Variants in ZNF395 observed in about 807,000 individuals in gnomAD.
ZNF395 encodes the protein zinc finger protein 395, also known as HD gene regulatory region-binding protein 2.
A neutral mutation model predicts 57.7 loss-of-function variants in ZNF395; 20 were observed. The ratio of observed to expected loss-of-function variants is 0.35; its 90% confidence interval spans 0.24 to 0.50. ZNF395 has a LOEUF of 0.50. ZNF395 is among the 20% of genes least tolerant of loss of function. The pLI is 0.97. For missense variants in ZNF395, 606 were observed against 671.2 expected (o/e 0.90, Z 1.07); for synonymous variants, 295 against 275.9 (o/e 1.07, Z -0.69).
chr8:28,384,734 C>T (rs1802150848), intron 1 of ZNF395, among the ~76,000 whole-genome samples: 1 of 152,236 alleles, frequency 6.6e-6, no homozygotes, highest in Non-Finnish European at 1.5e-5. Flanking sequence ...AAACTTAGTA[C>T]TCCAAGTCCC....
At position 28,348,918 on chromosome 8, in the gene ZNF395, G is replaced by A; in HGVS notation, c.1431-88C>T. ...AGTGGGGCTGGGAGAACAAGCAGAG[G>A]CCAAAGGGGCAGCTCCCGGCAAAAG... On this transcript the variant is annotated intron_variant, in intron 9 of 9. Transcript: ENST00000344423. 2.9e-6 allele frequency: 4 copies of A among 1,402,716 alleles called. No homozygotes were observed. The South Asian group carries it at 3.6e-5, about 12-fold the overall frequency. 86.9% of individuals were successfully genotyped at this position (1,402,716 alleles called of 1,614,324 possible). A position where few individuals can be genotyped will look rare whatever the true frequency, so the allele number is the denominator to read the frequency against.
Position 28,349,086 on chromosome 8 carries a change from C to G in ZNF395, c.1430+39G>C, listed in dbSNP as rs1049888654. 5 of 1,549,062 alleles carry G rather than the reference C, an allele frequency of 3.2e-6. No individual in the cohort carries two copies. The Admixed American group carries it at 5.8e-5, about 18-fold the overall frequency. On this transcript the variant is annotated intron_variant, in intron 9 of 9. Coordinates refer to ENST00000344423, the MANE Select transcript of ZNF395 (RefSeq NM_018660.3). ...AGTCCACGCCACTGGAGACAGGGCA[C>G]AGAAACCAGAAGGCAGGGGACGACA...
intron 1 of ZNF395, among the ~76,000 whole-genome samples, chr8:28,371,286 T>A (rs967912769): frequency 2.0e-5 from 3 of 152,216 alleles, no homozygotes; most frequent in Non-Finnish European, 2.9e-5. Flanking sequence ...GTTCAAGCTA[T>A]CCTGCCACCT....
chr8:28,378,778 T>C (rs149954391), intron 1 of ZNF395, among the ~76,000 whole-genome samples: 45 of 152,280 alleles, frequency 3.0e-4, no homozygotes, highest in Non-Finnish European at 5.6e-4. Flanking sequence ...TTCCTGTCCT[T>C]CTCTTCTACC....
At chr8:28,361,213 G>A in intron 1 of ZNF395, 31 bp from the exon 2 acceptor site, 1 of 1,578,868 alleles carries the variant, frequency 6.3e-7, no homozygotes, top group Non-Finnish European at 8.6e-7. Context: ...TCAGGAGGGA[G>A]CCCCACACAG....
At chr8:28,370,360 A>G (rs538353234) in intron 1 of ZNF395, among the ~76,000 whole-genome samples, 1 of 152,346 alleles carries the variant, frequency 6.6e-6, no homozygotes, top group South Asian at 2.1e-4. Context: ...GGGCTCGCCC[A>G]GGGCTCAAAC....
chr8:28,357,195 A>G (rs1029964296), intron 3 of ZNF395, among the ~76,000 whole-genome samples: 2 of 152,234 alleles, frequency 1.3e-5, no homozygotes, highest in Admixed American at 1.3e-4. Context: ...ACTGGAATTC[A>G]AAAGCACAAC....
chr8:28,349,303 G>A, intron 8 of ZNF395, 75 bp from the exon 9 acceptor site: 1 of 1,230,860 alleles, frequency 8.1e-7, no homozygotes, highest in Non-Finnish European at 1.1e-6. Flanking sequence ...AAGACAGGCA[G>A]CCACCCGTCC....
At chr8:28,358,151 C>CTTTTT (rs746800075) in intron 3 of ZNF395, among the ~76,000 whole-genome samples, 45 of 101,100 alleles carry the variant, frequency 4.5e-4, no homozygotes, top group East Asian at 8.3e-4. Flanking sequence ...TCTTTTTTTT[C>CTTTTT]TTTTTTTTTT....
At chr8:28,348,916 A>G in intron 9 of ZNF395, 86 bp from the exon 10 acceptor site, 1 of 1,425,868 alleles carries the variant, frequency 7.0e-7, no homozygotes, top group Non-Finnish European at 9.8e-7. Context: ...GAACAAGCAG[A>G]GGCCAAAGGG....
intron 3 of ZNF395, among the ~76,000 whole-genome samples, chr8:28,358,327 C>G (rs1484323389): frequency 6.6e-6 from 1 of 151,860 alleles, no homozygotes. Flanking sequence ...CCAGGCTGGT[C>G]TCAAACTCCT....
chr8:28,374,197 A>T (rs1291078931), intron 1 of ZNF395, among the ~76,000 whole-genome samples: 1 of 152,088 alleles, frequency 6.6e-6, no homozygotes, highest in East Asian at 1.9e-4. Context: ...ATCACCAAGC[A>T]CCCTGTTGAG....
chr8:28,378,127 CACCACCA>C (rs1802066565), intron 1 of ZNF395, among the ~76,000 whole-genome samples: 1 of 152,158 alleles, frequency 6.6e-6, no homozygotes, highest in Non-Finnish European at 1.5e-5. Context: ...GGCCCCCCAC[CACCACCA>C]ACCTTCTTGC....
At chr8:28,383,307 G>T (rs1363502545) in intron 1 of ZNF395, among the ~76,000 whole-genome samples, 2 of 152,070 alleles carry the variant, frequency 1.3e-5, no homozygotes, top group Non-Finnish European at 2.9e-5. Context: ...CTTGCAACAT[G>T]AACAGAGCTC....
At chr8:28,373,822 GCCC>G (rs930203419) in intron 1 of ZNF395, among the ~76,000 whole-genome samples, 1 of 152,100 alleles carries the variant, frequency 6.6e-6, no homozygotes, top group Non-Finnish European at 1.5e-5. Flanking sequence ...TCTAAATCCT[GCCC>G]CCTTGTCTTC....
Position 28,348,675 on chromosome 8 carries a change from G to T in ZNF395, c.*44C>A. On this transcript the variant is annotated 3_prime_UTR_variant, in exon 10 of 10. Transcript: ENST00000344423. Reference sequence around the variant, plus strand: ...GGTGACACACTGGCCTCTTGTCAGTGGCTGCCGGCAGGGCCAGGAACAGAG... The same window carrying T: ...GGTGACACACTGGCCTCTTGTCAGTTGCTGCCGGCAGGGCCAGGAACAGAG... 1 of 1,569,194 alleles carries T rather than the reference G, an allele frequency of 6.4e-7. No individual in the cohort carries two copies. The highest frequency in any genetic ancestry group is 8.8e-7 in the Non-Finnish European group (1 of 1,140,274).
At chr8:28,384,360 T>C (rs1006712669) in intron 1 of ZNF395, among the ~76,000 whole-genome samples, 1 of 152,216 alleles carries the variant, frequency 6.6e-6, no homozygotes, top group African/African-American at 2.4e-5. Context: ...TGGAAAGCCA[T>C]GTTCATTCCC....
At position 28,349,055 on chromosome 8, in the gene ZNF395, G is replaced by C. The variant is rs939690799; in HGVS notation, c.1430+70C>G. ...AACCCTGGTGACTTCATCTGGGTGG[G>C]GTCGGAGTCCACGCCACTGGAGACA... On this transcript the variant is annotated intron_variant, in intron 9 of 9. Coordinates refer to ENST00000344423, the MANE Select transcript of ZNF395 (RefSeq NM_018660.3). The C allele has an allele frequency of 7.8e-5, 112 of 1,444,702 alleles. No individual in the cohort carries two copies. In the African/African-American group the frequency reaches 1.4e-3, roughly 18 times the overall value. 89.5% of individuals were successfully genotyped at this position (1,444,702 alleles called of 1,614,324 possible). A position where few individuals can be genotyped will look rare whatever the true frequency, so the allele number is the denominator to read the frequency against.
chr8:28,354,868 T>C (rs917054377), intron 4 of ZNF395, among the ~76,000 whole-genome samples: 1 of 150,632 alleles, frequency 6.6e-6, no homozygotes, highest in African/African-American at 2.4e-5. Context: ...CATGGCAACA[T>C]CTAGGATGCT....
Sources: gnomAD v4.1 joint callset for allele counts (sites outside exome capture counted in the v4.1 genomes callset) on GRCh38, gnomAD v4.1.1 for gene constraint, MANE v1.5 for transcripts, NCBI Gene and HGNC (gene_info 2026-07-23, HGNC 2026-07-21) for gene names.